Variants in NLRP9 observed in about 807,000 individuals in gnomAD.
The protein encoded by NLRP9 is NLR family pyrin domain containing 9.
A neutral mutation model predicts 83.1 loss-of-function variants in NLRP9; 88 were observed. The observed-to-expected ratio is 1.06, with a 90% confidence interval of 0.89 to 1.26. The LOEUF is 1.26. Among genes scored for constraint, NLRP9 ranks in the 50% most tolerant of loss-of-function variants. The probability of loss-of-function intolerance (pLI) is 0.00; values close to 1 mark genes in which losing one functional copy is unlikely to be tolerated. For synonymous variants in NLRP9, 521 were observed against 447.6 expected (o/e 1.16, Z -2.07); for missense variants, 1,308 against 1,179.3 (o/e 1.11, Z -1.60).
chr19:55,712,043 C>T, intron 7 of NLRP9, 73 bp from the exon 8 acceptor site: 1 of 1,442,266 alleles, frequency 6.9e-7, no homozygotes, highest in Non-Finnish European at 9.6e-7. Flanking sequence ...TTGTTACTTG[C>T]TAATTACACA....
chr19:55,716,743 G>A lies in NLRP9; in HGVS notation c.2315C>T (p.Ala772Val), dbSNP rs1456173866. Residue 772 changes from alanine (A) to valine (V), a missense_variant, in exon 5 of 9, where the codon GCC becomes GTC. Transcript: ENST00000332836. ...LCEALKHSHC[A>V]LERLMLMYCC... The stretch of plus-strand genomic sequence containing the variant: ...ACCAACTTACATCAGCCTCTCCAGG[G>A]CACAGTGTGAGTGCTTCAGGGCTTC... The A allele has an allele frequency of 1.2e-6, 2 of 1,613,674 alleles. No homozygotes were observed. The highest frequency in any genetic ancestry group is 2.7e-5 in the African/African-American group (2 of 75,036).
At chr19:55,734,635 A>AT (rs1156613286) in intron 1 of NLRP9, among the ~76,000 whole-genome samples, 103 of 120,034 alleles carry the variant, frequency 8.6e-4, no homozygotes, top group African/African-American at 3.5e-3. Context: ...ATATATATAT[A>AT]TATTTTTTTT....
chr19:55,719,744 A>G (rs1988163414), intron 4 of NLRP9, among the ~76,000 whole-genome samples: 1 of 152,212 alleles, frequency 6.6e-6, no homozygotes, highest in Non-Finnish European at 1.5e-5. Context: ...AAAGATAGAG[A>G]TCATGGTAAA....
At chr19:55,725,088 T>G (rs1256989734) in intron 3 of NLRP9, among the ~76,000 whole-genome samples, 2 of 152,182 alleles carry the variant, frequency 1.3e-5, no homozygotes, top group African/African-American at 4.8e-5. Flanking sequence ...TTTATTGTAA[T>G]GCCTGGAACA....
chr19:55,734,951 A>C (rs1264719832), intron 1 of NLRP9, among the ~76,000 whole-genome samples: 2 of 152,182 alleles, frequency 1.3e-5, no homozygotes, highest in East Asian at 3.8e-4. Flanking sequence ...TATATATTTT[A>C]TGCAAAGTTT....
At chr19:55,721,725 C>T (rs748945612) in intron 4 of NLRP9, among the ~76,000 whole-genome samples, 35 of 152,022 alleles carry the variant, frequency 2.3e-4, no homozygotes, top group Non-Finnish European at 4.3e-4. Flanking sequence ...TGGGAGGGAC[C>T]CAGTGGAAGA....
rs1216326829 is a variant in NLRP9 at position 55,730,008 on chromosome 19, G to A, written c.1833-16C>T. ...CTCATTGTAACTATGAGAGAACAAA[G>A]ATTGTGATTCTCCAGTGGCTAAACT... On this transcript the variant is annotated splice_polypyrimidine_tract_variant and intron_variant, in intron 2 of 8. Coordinates refer to ENST00000332836, the MANE Select transcript of NLRP9 (RefSeq NM_176820.4). 6.2e-7 allele frequency: 1 copy of A among 1,605,512 alleles called. No homozygotes were observed. Among genetic ancestry groups the A allele is most frequent in the African/African-American group, 1.3e-5 (1 of 74,504 alleles).
At chr19:55,737,115 G>A (rs944323382) in intron 1 of NLRP9, among the ~76,000 whole-genome samples, 2 of 151,968 alleles carry the variant, frequency 1.3e-5, no homozygotes, top group Non-Finnish European at 1.5e-5. Flanking sequence ...CCGAGAGGAG[G>A]GTGTAGACCC....
intron 6 of NLRP9, among the ~76,000 whole-genome samples, chr19:55,713,069 C>A (rs990417611): frequency 6.7e-6 from 1 of 150,342 alleles, no homozygotes; most frequent in Non-Finnish European, 1.5e-5. Context: ...CTTCTTCTCT[C>A]CTGCCTGGCT....
chr19:55,713,644 CCTCTCCCTCCCCACCT>C (rs1987879666), intron 6 of NLRP9, among the ~76,000 whole-genome samples: 1 of 121,440 alleles, frequency 8.2e-6, no homozygotes, highest in Admixed American at 7.8e-5. Context: ...CCTCCTCTCC[CCTCTCCCTCCCCACCT>C]CTCCCCTCTC....
At chr19:55,721,730 G>A (rs1988231394) in intron 4 of NLRP9, among the ~76,000 whole-genome samples, 1 of 152,106 alleles carries the variant, frequency 6.6e-6, no homozygotes. Context: ...GGGACCCAGT[G>A]GAAGATAATT....
chr19:55,727,472 C>T (rs893067147), intron 3 of NLRP9, among the ~76,000 whole-genome samples: 5 of 152,096 alleles, frequency 3.3e-5, no homozygotes, highest in Admixed American at 6.6e-5. Context: ...ATTTATAAAA[C>T]AAAAATCAAT....
chr19:55,712,566 G>C lies in NLRP9; in HGVS notation c.2526C>G (p.Ser842=), dbSNP rs760478157. 5 of 1,612,300 alleles carry C rather than the reference G, an allele frequency of 3.1e-6. No individual in the cohort carries two copies. In the South Asian group the frequency reaches 5.5e-5, roughly 18 times the overall value. Residue 842 remains serine, a synonymous_variant, in exon 7 of 9, where the codon TCC becomes TCG. Coordinates refer to ENST00000332836, the MANE Select transcript of NLRP9 (RefSeq NM_176820.4). ...ELWLMGCFLT[S]DSCKDIAAVL... ...CAGCAGCAATGTCCTTACAGGAATC[G>C]GAAGTAAGGAAACAGCCCATCAACC...
chr19:55,730,601 T>C (rs1401453046), intron 2 of NLRP9, among the ~76,000 whole-genome samples: 1 of 152,204 alleles, frequency 6.6e-6, no homozygotes, highest in Non-Finnish European at 1.5e-5. Flanking sequence ...GATAATGTCC[T>C]TTGCAAGGAC....
At chr19:55,715,028 A>G in intron 6 of NLRP9, 27 bp downstream of exon 6, 2 of 1,583,230 alleles carry the variant, frequency 1.3e-6, no homozygotes, top group Non-Finnish European at 8.6e-7. Flanking sequence ...AAACCCTGAC[A>G]TTGAAGCAAA....
At chr19:55,724,347 C>A (rs1352975257) in intron 3 of NLRP9, among the ~76,000 whole-genome samples, 1 of 151,818 alleles carries the variant, frequency 6.6e-6, no homozygotes, top group Non-Finnish European at 1.5e-5. Context: ...TTAGAACTTT[C>A]CTGTTTCTTC....
rs144286636 is a variant in NLRP9, at chr19:55,709,074, T to G, written c.2844-30A>C. On this transcript the variant is annotated intron_variant, in intron 8 of 8. Transcript: ENST00000332836. Reference sequence around the variant, plus strand: ...GAAAATAGAAATAAAGTTTTTTTTTTTGTTTTTCATTTTTACACAGTATTG... The same window carrying G: ...GAAAATAGAAATAAAGTTTTTTTTTGTGTTTTTCATTTTTACACAGTATTG... 4,315 of 1,542,264 alleles carry G rather than the reference T, an allele frequency of 2.8e-3. 66 individuals carry two copies. The African/African-American group carries it at 0.032, about 11-fold the overall frequency.
At chr19:55,737,931 C>T (rs1988828601) in intron 1 of NLRP9, among the ~76,000 whole-genome samples, 164 bp downstream of exon 1, 2 of 151,982 alleles carry the variant, frequency 1.3e-5, no homozygotes, top group South Asian at 2.1e-4. Context: ...TCATCGCTGG[C>T]CCACATATGA....
Position 55,724,146 on chromosome 19 carries a change from T to G in NLRP9, c.1995-2A>C. ...TGTCCAAAGTACACAGAAGTAAATC[T>G]GCAAAAGATTAAAAAAAAAATAGCA... On this transcript the variant is annotated splice_acceptor_variant, in intron 3 of 8. Coordinates refer to ENST00000332836, the MANE Select transcript of NLRP9 (RefSeq NM_176820.4). LOFTEE classifies it high-confidence loss of function. The G allele has an allele frequency of 6.3e-7, 1 of 1,596,912 alleles. No homozygotes were observed.
Sources: gnomAD v4.1 joint callset for allele counts (sites outside exome capture counted in the v4.1 genomes callset) on GRCh38, gnomAD v4.1.1 for gene constraint, MANE v1.5 for transcripts, NCBI Gene and HGNC (gene_info 2026-07-23, HGNC 2026-07-21) for gene names.